The following NFATC3 variants were observed in gnomAD, a reference collection of about 807,000 sequenced individuals.
The protein encoded by NFATC3 is nuclear factor of activated T-cells, cytoplasmic 3.
Under a neutral mutation model 98.6 loss-of-function variants are expected in NFATC3, and 46 were observed. The ratio of observed to expected loss-of-function variants is 0.47; its 90% CI spans 0.37 to 0.60. NFATC3 has a LOEUF of 0.60. NFATC3 is among the 20% of genes least tolerant of loss of function. NFATC3 has a pLI of 0.00. For missense variants in NFATC3, 1,256 were observed against 1,295.5 expected, an observed-to-expected ratio of 0.97 and a Z score of 0.47; for synonymous variants, 512 against 472.2, an observed-to-expected ratio of 1.08 and a Z score of -1.09.
intron 3 of NFATC3, among the ~76,000 whole-genome samples, chr16:68,140,957 C>G (rs1475467048): frequency 2.6e-5 from 4 of 152,132 alleles, no homozygotes; most frequent in African/African-American, 9.7e-5. Flanking sequence ...CTATCCTACC[C>G]TCTTCTGAGT....
rs1285589018 is a variant in NFATC3, at chr16:68,228,417, A to G, written c.*1946A>G. The stretch of plus-strand genomic sequence containing the variant: ...TTTGCCCCTGGTGTAGCTGCCTCAC[A>G]TGAGGTTATTGCAAGAGTTCCCCTT... On this transcript the variant is annotated 3_prime_UTR_variant, in exon 10 of 10. Transcript: ENST00000346183. The G allele has an allele frequency of 2.6e-5, 4 of 152,288 alleles. No individual in the cohort carries two copies. The highest frequency in any genetic ancestry group is 4.8e-5 in the African/African-American group (2 of 41,436). The allele number at this position is 152,288 out of a possible 1,614,324, so 9.4% of individuals were successfully genotyped here.
At chr16:68,139,957 A>G (rs2037658939) in intron 3 of NFATC3, among the ~76,000 whole-genome samples, 1 of 152,142 alleles carries the variant, frequency 6.6e-6, no homozygotes, top group Admixed American at 6.6e-5. Flanking sequence ...CTTATTTTTT[A>G]TTTCCACAAG....
At chr16:68,141,167 C>T (rs1013047093) in intron 3 of NFATC3, among the ~76,000 whole-genome samples, 4 of 152,140 alleles carry the variant, frequency 2.6e-5, no homozygotes, top group East Asian at 1.9e-4. Context: ...AGTAGCATTC[C>T]GTGGTGTAGA....
chr16:68,103,734 AGG>A (rs1164834934), intron 1 of NFATC3, among the ~76,000 whole-genome samples: 2 of 152,286 alleles, frequency 1.3e-5, no homozygotes, highest in Non-Finnish European at 1.5e-5. Context: ...GGTATGAGGA[AGG>A]GGTTCAACTT....
chr16:68,172,332 A>G (rs2039505150), intron 5 of NFATC3, among the ~76,000 whole-genome samples: 2 of 152,210 alleles, frequency 1.3e-5, no homozygotes, highest in African/African-American at 4.8e-5. Context: ...GCTGATCTTC[A>G]AACCCACCAG....
At chr16:68,112,528 G>A (rs1413713478) in intron 1 of NFATC3, among the ~76,000 whole-genome samples, 5 of 151,474 alleles carry the variant, frequency 3.3e-5, no homozygotes, top group East Asian at 3.9e-4. Context: ...CACCCGCCTC[G>A]GCCTCCCAAA....
Position 68,167,810 on chromosome 16 carries a change from C to CTTTTTTTTTTTTTTTTTTTTTTTTTTTT in NFATC3, c.1774+807_1774+834dup, listed in dbSNP as rs35302776. 4.6e-4 allele frequency among the ~76,000 whole-genome samples: 11 copies of CTTTTTTTTTTTTTTTTTTTTTTTTTTTT among 23,920 alleles called. 4 individuals are homozygous for CTTTTTTTTTTTTTTTTTTTTTTTTTTTT. The highest frequency in any genetic ancestry group is 6.4e-4 in the Non-Finnish European group (6 of 9,306). 15.7% of individuals were successfully genotyped at this position (23,920 alleles called of 152,430 possible). ...TTTATATCTGTTAACCGTATGTGTT[C>CTTTTTTTTTTTTTTTTTTTTTTTTTTTT]TTTTTTTTTTTTTTTTTTTTTTTTT... On this transcript the variant is annotated intron_variant, in intron 5 of 9. Transcript: ENST00000346183.
chr16:68,085,789 G>A lies in NFATC3; in HGVS notation c.103+5G>A. The stretch of plus-strand genomic sequence containing the variant: ...CCCCGGGCTCGCGGCCTGCAGGTGG[G>A]TGCCGGGCCAGGCGGGACCGTGGAG... On this transcript the variant is annotated splice_donor_5th_base_variant and intron_variant, in intron 1 of 9. Coordinates refer to ENST00000346183, the MANE Select transcript of NFATC3 (RefSeq NM_173165.3). The A allele has an allele frequency of 6.8e-7, 1 of 1,467,572 alleles. No homozygotes were observed. The highest frequency in any genetic ancestry group is 2.8e-5 in the East Asian group (1 of 35,870). 90.9% of individuals were successfully genotyped at this position (1,467,572 alleles called of 1,614,324 possible).
chr16:68,087,329 T>C (rs955897118), intron 1 of NFATC3, among the ~76,000 whole-genome samples: 5 of 152,210 alleles, frequency 3.3e-5, no homozygotes, highest in Admixed American at 6.5e-5. Flanking sequence ...GTAGGAATTG[T>C]ATATACAACC....
intron 9 of NFATC3, among the ~76,000 whole-genome samples, chr16:68,207,004 T>C (rs1250947672): frequency 1.5e-5 from 2 of 136,336 alleles, no homozygotes; most frequent in Non-Finnish European, 3.1e-5. Flanking sequence ...CGCATACATA[T>C]TAAAAAAAAA....
At chr16:68,096,632 A>G (rs1029617301) in intron 1 of NFATC3, among the ~76,000 whole-genome samples, 7 of 152,240 alleles carry the variant, frequency 4.6e-5, no homozygotes, top group Admixed American at 2.0e-4. Flanking sequence ...TGAGCATATA[A>G]TGACACAGAT....
chr16:68,224,339 C>T (rs1189021141), intron 9 of NFATC3, among the ~76,000 whole-genome samples: 6 of 148,334 alleles, frequency 4.0e-5, no homozygotes, highest in Non-Finnish European at 7.4e-5. Context: ...TGCAGTGGCA[C>T]GATCTTGGCT....
At chr16:68,144,397 T>A (rs2037922949) in intron 3 of NFATC3, among the ~76,000 whole-genome samples, 1 of 152,162 alleles carries the variant, frequency 6.6e-6, no homozygotes, top group African/African-American at 2.4e-5. Flanking sequence ...TAAGCTTCCC[T>A]TATGCCCCAC....
Position 68,226,304 on chromosome 16 carries a change from A to C in NFATC3, c.3107-46A>C, listed in dbSNP as rs377288188. On this transcript the variant is annotated intron_variant, in intron 9 of 9. Transcript: ENST00000346183. ...GCTCAGCGTTGGGCATCATATGGCT[A>C]ATCACTCAGAGGTCACTAATCACTC... The C allele has an allele frequency of 1.1e-4, 167 of 1,538,916 alleles. 1 individual carries two copies. In the African/African-American group the frequency reaches 2.2e-3, roughly 21 times the overall value.
chr16:68,158,122 A>G (rs2038706927), intron 4 of NFATC3, 54 bp downstream of exon 4: 2 of 1,085,300 alleles, frequency 1.8e-6, no homozygotes, highest in East Asian at 5.3e-5. Context: ...ATACTTTCAG[A>G]AAAAAAGTAA....
intron 3 of NFATC3, among the ~76,000 whole-genome samples, chr16:68,133,016 A>G (rs935696589): frequency 4.6e-5 from 7 of 152,202 alleles, no homozygotes; most frequent in Admixed American, 6.5e-5. Context: ...CTGTAATCCC[A>G]GCACTTTGGG....
At chr16:68,188,068 C>T (rs988070785) in intron 8 of NFATC3, among the ~76,000 whole-genome samples, 4 of 152,200 alleles carry the variant, frequency 2.6e-5, no homozygotes, top group African/African-American at 4.8e-5. Context: ...GCTGAGGCGG[C>T]AGGGGTCTGG....
rs77383594 is a variant in NFATC3, at chr16:68,139,056, G to A, written c.1401+12446G>A. ...CAGTATTGTAGGTGCTAGGGATGCA[G>A]AGATGAACAAGAGAGACAAAACTCC... On this transcript the variant is annotated intron_variant, in intron 3 of 9. Transcript: ENST00000346183. 7.9e-3 allele frequency among the ~76,000 whole-genome samples: 1,208 copies of A among 152,286 alleles called. 16 individuals are homozygous for A. The highest frequency in any genetic ancestry group is 0.027 in the African/African-American group (1,134 of 41,554).
At chr16:68,147,339 A>G (rs909179578) in intron 3 of NFATC3, among the ~76,000 whole-genome samples, 1 of 152,192 alleles carries the variant, frequency 6.6e-6, no homozygotes, top group African/African-American at 2.4e-5. Context: ...TTTAATGCCT[A>G]TAATTTTTTT....
Sources: gnomAD v4.1 joint callset for allele counts (sites outside exome capture counted in the v4.1 genomes callset) on GRCh38, gnomAD v4.1.1 for gene constraint, MANE v1.5 for transcripts, NCBI Gene and HGNC (gene_info 2026-07-23, HGNC 2026-07-21) for gene names.